The following DACH2 variants were observed in gnomAD, a reference collection of about 807,000 sequenced individuals.
DACH2 encodes the protein dachshund homolog 2.
In DACH2, 17 loss-of-function variants were observed where a neutral mutation model predicts 35.8. That is an observed-to-expected ratio of 0.48 (90% CI 0.33 to 0.71). The LOEUF (loss-of-function observed/expected upper bound fraction) is 0.71. Ranked by LOEUF, DACH2 falls within the 30% of genes least tolerant of loss-of-function variation. The pLI is 0.02. For missense variants in DACH2, 469 were observed against 472.7 expected (o/e 0.99, Z 0.07); for synonymous variants, 195 against 177.3 (o/e 1.10, Z -0.79).
intron 1 of DACH2, among the ~76,000 whole-genome samples, chrX:86,176,491 A>G (rs951950981): frequency 9.0e-6 from 1 of 111,341 alleles, no homozygotes; most frequent in Admixed American, 9.6e-5. Flanking sequence ...TGCATTGTTT[A>G]TTGAAGTTGC....
intron 1 of DACH2, among the ~76,000 whole-genome samples, chrX:86,194,349 T>G (rs2031917382): frequency 9.0e-6 from 1 of 111,538 alleles, no homozygotes. Context: ...AAATTTGAAC[T>G]GGATATTGGG....
intron 1 of DACH2, among the ~76,000 whole-genome samples, chrX:86,151,266 C>T (rs1262377709): frequency 9.0e-6 from 1 of 110,851 alleles, no homozygotes; most frequent in East Asian, 2.8e-4. Context: ...AGTAACTTTT[C>T]ATGTGTGTGA....
chrX:86,680,203 C>T (rs2040865255), intron 4 of DACH2, among the ~76,000 whole-genome samples: 1 of 111,880 alleles, frequency 8.9e-6, no homozygotes, highest in Non-Finnish European at 1.9e-5. Flanking sequence ...TGAAACATAA[C>T]TGCATGCTTT....
chrX:86,621,577 C>T (rs1602708833), intron 3 of DACH2, among the ~76,000 whole-genome samples: 1 of 111,044 alleles, frequency 9.0e-6, no homozygotes, highest in Non-Finnish European at 1.9e-5. Flanking sequence ...ATAGAACTTT[C>T]GAGTTAGATT....
At chrX:86,458,668 A>C (rs1317643749) in intron 2 of DACH2, among the ~76,000 whole-genome samples, 2 of 112,152 alleles carry the variant, frequency 1.8e-5, no homozygotes, top group Non-Finnish European at 3.8e-5. Flanking sequence ...TTATGTTCAA[A>C]TATGTACCAA....
chrX:86,297,852 A>T (rs1055487339), intron 1 of DACH2, among the ~76,000 whole-genome samples: 4 of 112,013 alleles, frequency 3.6e-5, no homozygotes, highest in African/African-American at 1.3e-4. Flanking sequence ...ACACTTTTGA[A>T]AGTGAAAGTG....
intron 7 of DACH2, among the ~76,000 whole-genome samples, chrX:86,802,862 C>A (rs1336669663): frequency 1.8e-5 from 2 of 111,849 alleles, no homozygotes; most frequent in Admixed American, 1.9e-4. Flanking sequence ...CTCCATCTAT[C>A]CCAAACACAT....
chrX:86,370,095 G>A (rs1413046490), intron 1 of DACH2, among the ~76,000 whole-genome samples: 1 of 111,371 alleles, frequency 9.0e-6, no homozygotes, highest in Admixed American at 9.6e-5. Flanking sequence ...CAAATAAAAA[G>A]CCTAACCTAC....
chrX:86,265,178 AT>A (rs763581723), intron 1 of DACH2, among the ~76,000 whole-genome samples: 2 of 112,143 alleles, frequency 1.8e-5, no homozygotes, highest in Admixed American at 9.5e-5. Context: ...TGTTCTTTTT[AT>A]AAATGAATAC....
intron 1 of DACH2, among the ~76,000 whole-genome samples, chrX:86,216,081 G>T (rs758458023): frequency 8.9e-6 from 1 of 111,824 alleles, no homozygotes; most frequent in East Asian, 2.8e-4. Context: ...TTTTGTGCAT[G>T]ATGGCAACCA....
intron 2 of DACH2, among the ~76,000 whole-genome samples, chrX:86,427,388 GAAAGATTTTTACCAC>G (rs2036911554): frequency 9.0e-6 from 1 of 111,429 alleles, no homozygotes; most frequent in Non-Finnish European, 1.9e-5. Flanking sequence ...CCACTCGAGG[GAAAGATTTTTACCAC>G]TTTTTCTTAT....
At chrX:86,605,446 G>A (rs1359763872) in intron 3 of DACH2, among the ~76,000 whole-genome samples, 7 of 109,713 alleles carry the variant, frequency 6.4e-5, no homozygotes, top group African/African-American at 2.3e-4. Context: ...CTATAAAGAT[G>A]TCACCCATTT....
intron 1 of DACH2, among the ~76,000 whole-genome samples, chrX:86,295,640 C>G (rs1030489590): frequency 9.0e-6 from 1 of 111,062 alleles, no homozygotes; most frequent in Non-Finnish European, 1.9e-5. Context: ...GGTTTAAATG[C>G]TCTCTCCTTG....
chrX:86,674,125 A>C (rs1449130221), intron 4 of DACH2, among the ~76,000 whole-genome samples: 1 of 112,337 alleles, frequency 8.9e-6, no homozygotes, highest in Non-Finnish European at 1.9e-5. Flanking sequence ...CTAAAACTTC[A>C]TTGTAACCCT....
At chrX:86,513,073 G>A (rs189966296) in intron 2 of DACH2, among the ~76,000 whole-genome samples, 103 of 111,804 alleles carry the variant, frequency 9.2e-4, no homozygotes, top group Non-Finnish European at 1.7e-3. Flanking sequence ...CGATACCTCC[G>A]TGTAAGGTTG....
chrX:86,327,113 T>C (rs1470936055), intron 1 of DACH2, among the ~76,000 whole-genome samples: 1 of 112,219 alleles, frequency 8.9e-6, no homozygotes, highest in Non-Finnish European at 1.9e-5. Context: ...ACAATTACTT[T>C]TTTAAAAATA....
intron 7 of DACH2, among the ~76,000 whole-genome samples, chrX:86,788,742 A>G (rs765721753): frequency 3.6e-4 from 40 of 111,895 alleles, no homozygotes; most frequent in Non-Finnish European, 5.3e-4. Context: ...TCAGCCAGGA[A>G]ACGAAACCTT....
At position 86,210,945 on chromosome X, in the gene DACH2, G is replaced by A. The variant is rs981585119; in HGVS notation, c.488+61837G>A. Among the ~76,000 whole-genome samples the A allele has an allele frequency of 9.0e-5, 10 of 111,667 alleles. No homozygotes were observed. The Middle Eastern group carries it at 0.014, about 156-fold the overall frequency. On this transcript the variant is annotated intron_variant, in intron 1 of 11. Coordinates refer to ENST00000373125, the MANE Select transcript of DACH2 (RefSeq NM_053281.3). Reference sequence around the variant, plus strand: ...CATTGAGAGGATTGATTTATCTGGCGTGCTGTAATGACTGCAGATGTGGAT... The same window carrying A: ...CATTGAGAGGATTGATTTATCTGGCATGCTGTAATGACTGCAGATGTGGAT...
chrX:86,658,221 CACTGACCTAAAAAT>C (rs1239073005), intron 4 of DACH2, among the ~76,000 whole-genome samples: 6 of 111,410 alleles, frequency 5.4e-5, no homozygotes, highest in Admixed American at 9.6e-5. Flanking sequence ...ATAAGCGGGA[CACTGACCTAAAAAT>C]ACTGGAAGGC....
Sources: allele counts gnomAD v4.1 joint callset (sites outside exome capture counted in the v4.1 genomes callset), GRCh38; gene constraint gnomAD v4.1.1; transcripts MANE v1.5; gene names NCBI Gene and HGNC (gene_info 2026-07-23, HGNC 2026-07-21).